The following CCDC28B variants were observed in gnomAD, a reference collection of about 807,000 sequenced individuals.
CCDC28B encodes coiled-coil domain-containing protein 28B.
In CCDC28B, 17 loss-of-function variants were observed where a neutral mutation model predicts 18.7. The ratio of observed to expected loss-of-function variants is 0.91; its 90% confidence interval spans 0.62 to 1.36. The LOEUF is 1.36. Ranked by LOEUF, CCDC28B falls within the 40% of genes most tolerant of loss-of-function variation. CCDC28B has a pLI of 0.00. For missense variants in CCDC28B, 213 were observed against 251.7 expected, an observed-to-expected ratio of 0.85 and a Z score of 1.04; for synonymous variants, 116 against 105.1, an observed-to-expected ratio of 1.10 and a Z score of -0.64.
chr1:32,204,574 C>G (rs373774302), intron 4 of CCDC28B, 24 bp from the exon 5 acceptor site: 212 of 1,549,636 alleles, frequency 1.4e-4, no homozygotes, highest in Non-Finnish European at 1.8e-4. Context: ...TAACAGAAGC[C>G]TCCCTTTTTC....
Position 32,205,174 on chromosome 1 carries a change from A to G in CCDC28B, c.549-20A>G, listed in dbSNP as rs1041340538. The G allele has an allele frequency of 1.3e-5, 21 of 1,613,380 alleles. No homozygotes were observed. Among genetic ancestry groups the G allele is most frequent in the Non-Finnish European group, 1.4e-5 (17 of 1,179,702 alleles). ...GGAGGAAGGACTGGTCCAAAGCGCCACGATCCTTGACGGGCACAGCCAGAA... is the reference window on the plus strand; with the variant it reads ...GGAGGAAGGACTGGTCCAAAGCGCCGCGATCCTTGACGGGCACAGCCAGAA... On this transcript the variant is annotated intron_variant, in intron 5 of 5. Coordinates refer to ENST00000373602, the MANE Select transcript of CCDC28B (RefSeq NM_024296.5). This position sits in a 1 kb window ranked among gnomAD's most constrained non-coding sequence, Gnocchi z 5.6.
At chr1:32,201,721 C>T (rs1557515452) in intron 1 of CCDC28B, 192 bp from the exon 2 acceptor site, 1 of 473,910 alleles carries the variant, frequency 2.1e-6, no homozygotes. Context: ...TTAGGTTGGG[C>T]CTTAGAAGGT....
chr1:32,202,168 G>C (rs1162951157), intron 2 of CCDC28B, 69 bp downstream of exon 2: 8 of 1,589,900 alleles, frequency 5.0e-6, no homozygotes, highest in Non-Finnish European at 6.9e-6. Context: ...AGGAAGGCAA[G>C]GGGGGCCTCC....
chr1:32,198,534 CAAA>C (rs529746543), upstream of CCDC28B, among the ~76,000 whole-genome samples: 1 of 152,184 alleles, frequency 6.6e-6, no homozygotes, highest in Non-Finnish European at 1.5e-5. Context: ...CACACACACA[CAAA>C]AAAGTTTTCC....
At position 32,204,260 on chromosome 1, in the gene CCDC28B, C is replaced by G; in HGVS notation, c.406C>G (p.Leu136Val). The change falls in exon 4 of 6, where the codon CTG becomes GTG. Residue 136 changes from leucine to valine, a missense_variant. Leu to Val is a conservative substitution (Grantham distance 32). Transcript: ENST00000373602. ...QEKLARLHFSLDVCGEEEDDE... is the reference protein window; with the variant it reads ...QEKLARLHFSVDVCGEEEDDE... ...GAAGCTAGCCCGGCTGCACTTCAGC[C>G]TGGATGTGTGTGGGGAGGAGGAGGA... is the stretch of plus-strand genomic sequence containing the variant. 1 of 1,614,014 alleles carries G rather than the reference C, an allele frequency of 6.2e-7. No individual in the cohort carries two copies. Among genetic ancestry groups the G allele is most frequent in the African/African-American group, 1.3e-5 (1 of 74,968 alleles).
intron 1 of CCDC28B, 144 bp from the exon 2 acceptor site, chr1:32,201,769 T>G: frequency 1.5e-6 from 1 of 653,944 alleles, no homozygotes; most frequent in South Asian, 2.1e-5. Flanking sequence ...CAGCAGACAC[T>G]GGCATCTGGC....
chr1:32,205,377 A>G lies in CCDC28B; in HGVS notation c.*129A>G, dbSNP rs1177332132. The G allele has an allele frequency of 1.2e-5, 12 of 1,006,186 alleles. No homozygotes were observed. The highest frequency in any genetic ancestry group is 1.3e-5 in the Non-Finnish European group (9 of 693,258). The allele number at this position is 1,006,186 out of a possible 1,614,324, so 62.3% of individuals were successfully genotyped here. A position where few individuals can be genotyped will look rare whatever the true frequency, so the allele number is the denominator to read the frequency against. Reference sequence around the variant, plus strand: ...GGGGCGTTGAATGGAATTAAACCAGAAAGAAAGCAAGCGGCTCCGTGTCCT... The same window carrying G: ...GGGGCGTTGAATGGAATTAAACCAGGAAGAAAGCAAGCGGCTCCGTGTCCT... On this transcript the variant is annotated 3_prime_UTR_variant, in exon 6 of 6. Transcript: ENST00000373602. The surrounding 1 kb of genome is among the most constrained non-coding windows in gnomAD (Gnocchi z 5.6).
At chr1:32,201,285 G>A (rs1382508030) in intron 1 of CCDC28B, among the ~76,000 whole-genome samples, 2 of 152,180 alleles carry the variant, frequency 1.3e-5, no homozygotes, top group Non-Finnish European at 2.9e-5. Context: ...GCAGCTGAAA[G>A]CACACCCGCG....
chr1:32,203,964 G>C lies in CCDC28B; in HGVS notation c.250G>C (p.Glu84Gln). 6.3e-7 allele frequency: 1 copy of C among 1,580,916 alleles called. No individual in the cohort carries two copies. The highest frequency in any genetic ancestry group is 8.6e-7 in the Non-Finnish European group (1 of 1,163,888). Reference sequence around the variant, plus strand: ...GCCCCTGCAGCACTCCTTCCTGACCGAGGTGACTGATGTCTATGAGATGGA... The same window carrying C: ...GCCCCTGCAGCACTCCTTCCTGACCCAGGTGACTGATGTCTATGAGATGGA... ...GTPLQHSFLT[E>Q]VTDVYEMEGG... The change falls in exon 3 of 6, where the codon GAG becomes CAG. Residue 84 changes from glutamate (E) to glutamine (Q), a missense_variant. Coordinates refer to ENST00000373602, the MANE Select transcript of CCDC28B (RefSeq NM_024296.5).
rs751313379 is a variant in CCDC28B at position 32,201,956 on chromosome 1, AC to A, written c.22del (p.Arg8GlyfsTer32). ...GCCCAATGGATGACAAAAAGAAGAAACGGAGTCCCAAGCCCTGCCTGGCCCA... is the reference window on the plus strand; with the variant it reads ...GCCCAATGGATGACAAAAAGAAGAAAGGAGTCCCAAGCCCTGCCTGGCCCA... MDDKKKKRSPKPCLAQPA... is the reference protein window; with the variant it reads MDDKKKKXSPKPCLAQPA... On this transcript the variant is annotated frameshift_variant, in exon 2 of 6. Coordinates refer to ENST00000373602, the MANE Select transcript of CCDC28B (RefSeq NM_024296.5). LOFTEE classifies it high-confidence loss of function. The A allele has an allele frequency of 6.2e-6, 10 of 1,605,998 alleles. No individual in the cohort carries two copies. In the South Asian group the frequency reaches 1.1e-4, roughly 18 times the overall value.
upstream of CCDC28B, among the ~76,000 whole-genome samples, chr1:32,199,284 A>G (rs979913732): frequency 1.3e-5 from 2 of 152,182 alleles, no homozygotes; most frequent in Non-Finnish European, 2.9e-5. Context: ...GTCCCAGCAG[A>G]GCCTCTGACC....
At chr1:32,198,231 G>A (rs1005630906), upstream of CCDC28B, 4 of 152,242 alleles carry the variant, frequency 2.6e-5, no homozygotes, top group Admixed American at 2.0e-4. Flanking sequence ...ACAACAGCCA[G>A]GGACTTGATT....
At chr1:32,201,145 C>G (rs1403725842) in intron 1 of CCDC28B, among the ~76,000 whole-genome samples, 1 of 152,120 alleles carries the variant, frequency 6.6e-6, no homozygotes, top group East Asian at 1.9e-4. Context: ...GCTGCTGGAC[C>G]GGGGACCTCG....
intron 2 of CCDC28B, 83 bp downstream of exon 2, chr1:32,202,182 T>A: frequency 3.2e-6 from 5 of 1,539,054 alleles, no homozygotes; most frequent in Non-Finnish European, 4.5e-6. Flanking sequence ...GGCCTCCGCC[T>A]TTAGTTCCTA....
intron 1 of CCDC28B, 138 bp from the exon 2 acceptor site, chr1:32,201,775 C>T (rs1473222455): frequency 7.3e-6 from 5 of 684,056 alleles, no homozygotes; most frequent in Non-Finnish European, 1.2e-5. Flanking sequence ...ACACTGGCAT[C>T]TGGCTCTGCC....
chr1:32,199,029 A>C (rs1643088106), upstream of CCDC28B, among the ~76,000 whole-genome samples: 1 of 152,164 alleles, frequency 6.6e-6, no homozygotes. Context: ...AATTGTATGC[A>C]TTCCTTAAGG....
intron 2 of CCDC28B, chr1:32,202,514 ATTT>A: frequency 2.8e-6 from 1 of 358,968 alleles, no homozygotes; most frequent in East Asian, 7.3e-5. Flanking sequence ...TCTCTGTTGA[ATTT>A]TTTTTATGAT....
At chr1:32,199,297 T>C (rs1643096339), upstream of CCDC28B, among the ~76,000 whole-genome samples, 1 of 152,192 alleles carries the variant, frequency 6.6e-6, no homozygotes. Context: ...CTCTGACCCT[T>C]CTAGCTGGGT....
At chr1:32,202,306 T>C (rs924170575) in intron 2 of CCDC28B, 5 of 710,032 alleles carry the variant, frequency 7.0e-6, no homozygotes, top group African/African-American at 5.2e-5. Context: ...TGGGATCACA[T>C]AGCGTGAGGA....
Sources: gnomAD v4.1 joint callset for allele counts (sites outside exome capture counted in the v4.1 genomes callset) on GRCh38, gnomAD v4.1.1 for gene constraint, Gnocchi (gnomAD v3.1) non-coding constraint, MANE v1.5 for transcripts, NCBI Gene and HGNC (gene_info 2026-07-23, HGNC 2026-07-21) for gene names.